Variants in RPS6KC1 observed in about 807,000 individuals in gnomAD.
The protein encoded by RPS6KC1 is ribosomal protein S6 kinase C1.
In RPS6KC1, 54 loss-of-function variants were observed where a neutral mutation model predicts 103.8. The observed-to-expected ratio is 0.52, with a 90% confidence interval of 0.42 to 0.65. RPS6KC1 has a LOEUF of 0.65. RPS6KC1 is among the 30% of genes least tolerant of loss of function. RPS6KC1 has a pLI of 0.00. For synonymous variants in RPS6KC1, 439 were observed against 438.7 expected (o/e 1.00, Z -0.01); for missense variants, 1,151 against 1,253.8 (o/e 0.92, Z 1.24).
At chr1:213,607,071 A>G in the RPS6KC1 span, among the ~76,000 whole-genome samples, 1 of 152,136 alleles carries the variant, frequency 6.6e-6, no homozygotes, top group Non-Finnish European at 1.5e-5. Context: ...TAGTATTCCC[A>G]TTTCCTGAGT....
chr1:213,377,824 C>A, the RPS6KC1 span, among the ~76,000 whole-genome samples: 2 of 152,196 alleles, frequency 1.3e-5, no homozygotes, highest in African/African-American at 4.8e-5. Context: ...ATGTTTCTTA[C>A]CTTCATGGGG....
the RPS6KC1 span, among the ~76,000 whole-genome samples, chr1:213,701,678 A>G: frequency 6.6e-6 from 1 of 151,996 alleles, no homozygotes; most frequent in Admixed American, 6.6e-5. Context: ...CATTTCTTCT[A>G]TGTTTTGCAA....
chr1:213,191,686 G>C (rs1032922171), intron 8 of RPS6KC1, among the ~76,000 whole-genome samples: 1 of 152,040 alleles, frequency 6.6e-6, no homozygotes, highest in Admixed American at 6.6e-5. Context: ...TTGAATAACA[G>C]TGGTGAAAAT....
At chr1:213,621,603 G>A in the RPS6KC1 span, among the ~76,000 whole-genome samples, 1 of 152,198 alleles carries the variant, frequency 6.6e-6, no homozygotes, top group Non-Finnish European at 1.5e-5. Context: ...GTGATGAAGA[G>A]AGAATTGTGA....
chr1:213,195,105 T>G (rs1470729768), intron 8 of RPS6KC1, among the ~76,000 whole-genome samples: 4 of 152,180 alleles, frequency 2.6e-5, no homozygotes, highest in Non-Finnish European at 5.9e-5. Context: ...TTTTTTAATT[T>G]TCTAGTTTTT....
the RPS6KC1 span, among the ~76,000 whole-genome samples, chr1:213,529,507 C>A: frequency 6.6e-6 from 1 of 152,168 alleles, no homozygotes; most frequent in Non-Finnish European, 1.5e-5. Context: ...TCTTCAAAGT[C>A]ATACACATAC....
At chr1:213,096,695 C>T (rs2081489129) in intron 3 of RPS6KC1, among the ~76,000 whole-genome samples, 1 of 151,884 alleles carries the variant, frequency 6.6e-6, no homozygotes, top group African/African-American at 2.4e-5. Flanking sequence ...ATAGTTTTAC[C>T]TTCCCCCAAA....
At chr1:213,195,812 G>T (rs184021944) in intron 8 of RPS6KC1, among the ~76,000 whole-genome samples, 7 of 150,534 alleles carry the variant, frequency 4.7e-5, no homozygotes, top group African/African-American at 1.7e-4. Flanking sequence ...TGGCTGAGTA[G>T]TATTCCATGG....
At chr1:213,790,639 G>A in the RPS6KC1 span, among the ~76,000 whole-genome samples, 4 of 152,076 alleles carry the variant, frequency 2.6e-5, no homozygotes, top group South Asian at 8.3e-4. Flanking sequence ...GAGAGAAAAC[G>A]TTTTGCCGTA....
chr1:213,489,485 T>G, the RPS6KC1 span, among the ~76,000 whole-genome samples: 4 of 152,176 alleles, frequency 2.6e-5, no homozygotes, highest in African/African-American at 9.6e-5. Flanking sequence ...GGCCTTTTCA[T>G]TCAATAAGCA....
the RPS6KC1 span, among the ~76,000 whole-genome samples, chr1:213,441,385 T>C: frequency 3.9e-5 from 6 of 152,206 alleles, no homozygotes; most frequent in African/African-American, 1.4e-4. Context: ...CATTATATTC[T>C]CTGCTCCTAT....
chr1:213,862,579 T>C, the RPS6KC1 span, among the ~76,000 whole-genome samples: 1 of 152,212 alleles, frequency 6.6e-6, no homozygotes, highest in Non-Finnish European at 1.5e-5. Flanking sequence ...CTCATTTAGC[T>C]ATAACTGAGG....
intron 7 of RPS6KC1, among the ~76,000 whole-genome samples, chr1:213,172,698 T>G (rs970006513): frequency 2.0e-5 from 3 of 149,068 alleles, no homozygotes; most frequent in Non-Finnish European, 4.4e-5. Flanking sequence ...TGTGAGACTG[T>G]GGGATTAACA....
the RPS6KC1 span, among the ~76,000 whole-genome samples, chr1:213,788,887 T>C: frequency 1.5e-5 from 2 of 137,498 alleles, no homozygotes; most frequent in Admixed American, 7.2e-5. Context: ...GACTAATTCC[T>C]CAGTTTCACA....
chr1:213,157,398 G>C (rs981397778), intron 6 of RPS6KC1, among the ~76,000 whole-genome samples: 23 of 151,758 alleles, frequency 1.5e-4, no homozygotes, highest in African/African-American at 5.1e-4. Flanking sequence ...TAGTAGAGAC[G>C]GGGTTTCACC....
the RPS6KC1 span, among the ~76,000 whole-genome samples, chr1:213,425,845 C>T: frequency 6.6e-6 from 1 of 151,998 alleles, no homozygotes; most frequent in Non-Finnish European, 1.5e-5. Context: ...GCTGCGGTGG[C>T]GGTGGTGGTG....
the RPS6KC1 span, among the ~76,000 whole-genome samples, chr1:213,586,352 A>G: frequency 1.3e-5 from 2 of 152,210 alleles, no homozygotes; most frequent in Non-Finnish European, 2.9e-5. Flanking sequence ...TGGGAATATC[A>G]GTCATATGAA....
chr1:213,711,964 G>A, the RPS6KC1 span, among the ~76,000 whole-genome samples: 1 of 152,194 alleles, frequency 6.6e-6, no homozygotes, highest in Non-Finnish European at 1.5e-5. Context: ...CTGATGGGAG[G>A]TGTCTCCCTG....
chr1:213,465,891 C>T, the RPS6KC1 span, among the ~76,000 whole-genome samples: 823 of 152,258 alleles, frequency 5.4e-3, 10 homozygotes, highest in African/African-American at 0.019. Flanking sequence ...TCTCCTTCCA[C>T]AACTGCCCTC....
Sources: allele counts gnomAD v4.1 joint callset (sites outside exome capture counted in the v4.1 genomes callset), GRCh38; gene constraint gnomAD v4.1.1; transcripts MANE v1.5; gene names NCBI Gene and HGNC (gene_info 2026-07-23, HGNC 2026-07-21).